The following PTPRO variants were observed in gnomAD, a reference collection of about 807,000 sequenced individuals.
PTPRO encodes the protein receptor-type tyrosine-protein phosphatase O.
A neutral mutation model predicts 145.2 loss-of-function variants in PTPRO; 62 were observed. The ratio of observed to expected loss-of-function variants is 0.43; its 90% CI spans 0.35 to 0.53. PTPRO has a LOEUF of 0.53. Ranked by LOEUF, PTPRO falls within the 20% of genes least tolerant of loss-of-function variation. PTPRO has a pLI of 0.01. For missense variants in PTPRO, 1,345 were observed against 1,482.7 expected (o/e 0.91, Z 1.53); for synonymous variants, 565 against 514.7 (o/e 1.10, Z -1.32).
At chr12:15,578,735 C>T in intron 19 of PTPRO, 118 bp from the exon 20 acceptor site, 1 of 789,124 alleles carries the variant, frequency 1.3e-6, no homozygotes, top group Non-Finnish European at 2.2e-6. Flanking sequence ...CCTTCCACCT[C>T]TAAAGGGAGC....
chr12:15,570,820 T>A (rs1182612119), intron 19 of PTPRO, among the ~76,000 whole-genome samples: 1 of 152,242 alleles, frequency 6.6e-6, no homozygotes, highest in Non-Finnish European at 1.5e-5. Flanking sequence ...CCACATTTTC[T>A]TAATTCCTTC....
intron 1 of PTPRO, among the ~76,000 whole-genome samples, chr12:15,447,059 C>A (rs901437102): frequency 5.9e-5 from 9 of 152,100 alleles, no homozygotes; most frequent in Non-Finnish European, 1.3e-4. Context: ...CTTACAGAAG[C>A]CTACATTCAG....
intron 12 of PTPRO, among the ~76,000 whole-genome samples, chr12:15,542,681 C>T (rs550426518): frequency 7.2e-5 from 11 of 152,268 alleles, no homozygotes; most frequent in Non-Finnish European, 1.2e-4. Flanking sequence ...AAATTGAATT[C>T]GATATACTTT....
At chr12:15,456,911 C>T (rs1478973346) in intron 1 of PTPRO, among the ~76,000 whole-genome samples, 2 of 151,878 alleles carry the variant, frequency 1.3e-5, no homozygotes, top group Non-Finnish European at 2.9e-5. Context: ...TTAAACAAAC[C>T]AATTCTTTTA....
chr12:15,499,668 C>A (rs974169645), intron 4 of PTPRO, 74 bp downstream of exon 4: 2 of 1,478,006 alleles, frequency 1.4e-6, no homozygotes, highest in Non-Finnish European at 1.9e-6. Flanking sequence ...ATTTTTTATC[C>A]TAAGAAATAT....
At position 15,565,634 on chromosome 12, in the gene PTPRO, T is replaced by C; in HGVS notation, c.2747+6T>C. 2.1e-6 allele frequency: 3 copies of C among 1,432,526 alleles called. No individual in the cohort carries two copies. Among genetic ancestry groups the C allele is most frequent in the Non-Finnish European group, 2.9e-6 (3 of 1,019,744 alleles). 88.7% of individuals were successfully genotyped at this position (1,432,526 alleles called of 1,614,324 possible). ...AAGAAGAGGAAACTGACAAAGTAAG[T>C]TTTTCTTACTATGTCATTTAAAAGG... On this transcript the variant is annotated splice_donor_region_variant and intron_variant, in intron 18 of 26. Coordinates refer to ENST00000281171, the MANE Select transcript of PTPRO (RefSeq NM_030667.3).
At chr12:15,553,838 G>A (rs564221376) in intron 15 of PTPRO, among the ~76,000 whole-genome samples, 18 of 152,330 alleles carry the variant, frequency 1.2e-4, no homozygotes, top group Admixed American at 4.6e-4. Context: ...ACTGAAGGCA[G>A]AGAGAAGCCA....
intron 1 of PTPRO, among the ~76,000 whole-genome samples, chr12:15,430,859 AAATGAATG>A (rs1229626286): frequency 1.3e-5 from 2 of 152,304 alleles, no homozygotes; most frequent in Admixed American, 1.3e-4. Flanking sequence ...AATTAAAAGT[AAATGAATG>A]AATGAATGAA....
At chr12:15,350,738 A>T (rs1169379018) in intron 1 of PTPRO, among the ~76,000 whole-genome samples, 1 of 152,228 alleles carries the variant, frequency 6.6e-6, no homozygotes, top group East Asian at 1.9e-4. Flanking sequence ...TACCAGATGC[A>T]CAAGAAGAGA....
At chr12:15,362,585 G>A (rs532676486) in intron 1 of PTPRO, among the ~76,000 whole-genome samples, 6 of 152,004 alleles carry the variant, frequency 3.9e-5, no homozygotes, top group Non-Finnish European at 7.4e-5. Context: ...TCCAGTTAAT[G>A]TATCTTATTA....
At chr12:15,494,323 G>A (rs1372823605) in intron 2 of PTPRO, among the ~76,000 whole-genome samples, 1 of 152,124 alleles carries the variant, frequency 6.6e-6, no homozygotes, top group African/African-American at 2.4e-5. Flanking sequence ...GAAAAAAAGG[G>A]AAGTACAATG....
chr12:15,583,791 G>T (rs1218286678), intron 23 of PTPRO, among the ~76,000 whole-genome samples: 1 of 152,054 alleles, frequency 6.6e-6, no homozygotes, highest in East Asian at 1.9e-4. Context: ...GTTAGAACTT[G>T]ATACTACCTA....
intron 1 of PTPRO, among the ~76,000 whole-genome samples, chr12:15,369,643 G>C (rs1938465186): frequency 6.6e-6 from 1 of 152,028 alleles, no homozygotes; most frequent in Non-Finnish European, 1.5e-5. Flanking sequence ...AGCTTTTTAT[G>C]GAACTAAAAA....
chr12:15,348,922 A>G (rs1301391855), intron 1 of PTPRO, among the ~76,000 whole-genome samples: 1 of 152,234 alleles, frequency 6.6e-6, no homozygotes, highest in Non-Finnish European at 1.5e-5. Context: ...TCAAGTCATT[A>G]TATTTGTATA....
chr12:15,579,855 A>G (rs1056326040), intron 20 of PTPRO, among the ~76,000 whole-genome samples, 184 bp from the exon 21 acceptor site: 3 of 152,202 alleles, frequency 2.0e-5, no homozygotes. Flanking sequence ...TAGTGGTTGG[A>G]AGATATTCAC....
intron 1 of PTPRO, among the ~76,000 whole-genome samples, chr12:15,410,084 A>C (rs1939756145): frequency 6.6e-6 from 1 of 152,204 alleles, no homozygotes. Flanking sequence ...AAGAAAAATG[A>C]AAAAAAGAGA....
chr12:15,409,687 G>A (rs915193843), intron 1 of PTPRO, among the ~76,000 whole-genome samples: 1 of 152,060 alleles, frequency 6.6e-6, no homozygotes, highest in East Asian at 1.9e-4. Context: ...TGGTAGAAGG[G>A]GAAGCAGAAG....
At chr12:15,449,433 A>G (rs967058836) in intron 1 of PTPRO, among the ~76,000 whole-genome samples, 3 of 152,224 alleles carry the variant, frequency 2.0e-5, no homozygotes, top group East Asian at 1.9e-4. Flanking sequence ...GGTGCATACC[A>G]TGGACAGGGA....
intron 26 of PTPRO, 195 bp from the exon 27 acceptor site, chr12:15,595,891 AAGAC>A (rs1402209878): frequency 6.5e-6 from 1 of 152,742 alleles, no homozygotes; most frequent in African/African-American, 2.4e-5. Flanking sequence ...AAAATAAAGA[AAGAC>A]AGAGAGAAAC....
Sources: gnomAD v4.1 joint callset for allele counts (sites outside exome capture counted in the v4.1 genomes callset) on GRCh38, gnomAD v4.1.1 for gene constraint, MANE v1.5 for transcripts, NCBI Gene and HGNC (gene_info 2026-07-23, HGNC 2026-07-21) for gene names.